The following ZNF385B variants were observed in gnomAD, a reference collection of about 807,000 sequenced individuals.
ZNF385B encodes zinc finger protein 385B, also known as zinc finger protein 533.
ZNF385B carries 23 observed loss-of-function variants against 39.2 expected under a neutral mutation model. The observed-to-expected ratio is 0.59, with a 90% CI of 0.42 to 0.83. The LOEUF (loss-of-function observed/expected upper bound fraction) is 0.83. Ranked by LOEUF, ZNF385B falls within the 40% of genes least tolerant of loss-of-function variation. The probability of loss-of-function intolerance (pLI) is 0.00; values close to 1 mark genes in which losing one functional copy is unlikely to be tolerated. For missense variants in ZNF385B, 552 were observed against 598.9 expected, an observed-to-expected ratio of 0.92 and a Z score of 0.82; for synonymous variants, 205 against 222.6, an observed-to-expected ratio of 0.92 and a Z score of 0.70.
chr2:179,854,196 A>G (rs1684400372), intron 1 of ZNF385B, among the ~76,000 whole-genome samples: 1 of 152,138 alleles, frequency 6.6e-6, no homozygotes, highest in Non-Finnish European at 1.5e-5. Context: ...TATCAAATCT[A>G]AGGAAATCAC....
intron 3 of ZNF385B, among the ~76,000 whole-genome samples, chr2:179,659,356 A>G (rs1485022141): frequency 6.6e-6 from 1 of 152,180 alleles, no homozygotes; most frequent in Non-Finnish European, 1.5e-5. Flanking sequence ...ACTTGATAGT[A>G]AAAGAAGCAT....
intron 3 of ZNF385B, among the ~76,000 whole-genome samples, chr2:179,608,366 G>T (rs774480900): frequency 9.9e-5 from 15 of 152,164 alleles, no homozygotes; most frequent in Non-Finnish European, 1.9e-4. Flanking sequence ...CAGGATTCAG[G>T]AGAAAGAGTT....
chr2:179,737,310 A>G (rs1297236903), intron 3 of ZNF385B, among the ~76,000 whole-genome samples: 2 of 152,200 alleles, frequency 1.3e-5, no homozygotes, highest in Non-Finnish European at 2.9e-5. Context: ...TCTCAGGGTT[A>G]TAGTAAGGAT....
chr2:179,664,704 A>T (rs1203842366), intron 3 of ZNF385B, among the ~76,000 whole-genome samples: 1 of 152,194 alleles, frequency 6.6e-6, no homozygotes, highest in Non-Finnish European at 1.5e-5. Flanking sequence ...GAAAATGTAC[A>T]TACACTATGT....
At chr2:179,746,177 A>G in intron 3 of ZNF385B, 1 of 295,098 alleles carries the variant, frequency 3.4e-6, no homozygotes, top group Non-Finnish European at 5.0e-6. Flanking sequence ...AAGTCTCCAC[A>G]GATTTAGCAC....
At position 179,483,398 on chromosome 2, in the gene ZNF385B, C is replaced by A. The variant is rs149414022; in HGVS notation, c.589G>T (p.Ala197Ser). The A allele has an allele frequency of 1.0e-4, 167 of 1,614,014 alleles. No individual in the cohort carries two copies. Among genetic ancestry groups the A allele is most frequent in the Non-Finnish European group, 1.0e-4 (121 of 1,179,916 alleles). ...AEAHYKGSKH[A>S]KKVKALDATK... is the part of the protein sequence containing the mutation. ...GCGTCTAGTGCTTTGACCTTCTTGGCATGTTTACTTCCTTTGTAGTGGGCC... is the reference window on the plus strand; with the variant it reads ...GCGTCTAGTGCTTTGACCTTCTTGGAATGTTTACTTCCTTTGTAGTGGGCC... Residue 197 changes from alanine to serine, a missense_variant, in exon 6 of 10, where the codon GCC becomes TCC. Coordinates refer to ENST00000410066, the MANE Select transcript of ZNF385B (RefSeq NM_152520.6).
intron 1 of ZNF385B, among the ~76,000 whole-genome samples, chr2:179,850,262 G>A (rs1471297893): frequency 6.6e-6 from 1 of 152,046 alleles, no homozygotes; most frequent in Non-Finnish European, 1.5e-5. Flanking sequence ...GCCAAGAAGG[G>A]GACAGATTGT....
chr2:179,631,558 G>A (rs1691217423), intron 3 of ZNF385B, among the ~76,000 whole-genome samples: 2 of 152,192 alleles, frequency 1.3e-5, no homozygotes, highest in African/African-American at 4.8e-5. Context: ...ACCAGCCACT[G>A]CAAAAACATG....
intron 1 of ZNF385B, among the ~76,000 whole-genome samples, chr2:179,821,796 A>C (rs753236342): frequency 3.3e-5 from 5 of 152,132 alleles, no homozygotes; most frequent in Non-Finnish European, 7.3e-5. Context: ...TCCCCAAGGA[A>C]AACATCATCT....
intron 1 of ZNF385B, among the ~76,000 whole-genome samples, chr2:179,793,881 A>G (rs1167305548): frequency 6.6e-6 from 1 of 152,266 alleles, no homozygotes; most frequent in Non-Finnish European, 1.5e-5. Context: ...TGCTTTGCAC[A>G]TGCAATGGCT....
chr2:179,645,726 G>T (rs1403392903), intron 3 of ZNF385B, among the ~76,000 whole-genome samples: 1 of 152,180 alleles, frequency 6.6e-6, no homozygotes, highest in African/African-American at 2.4e-5. Context: ...TTTCTCATGA[G>T]CCCAGCCTGA....
chr2:179,618,747 T>C (rs1410637178), intron 3 of ZNF385B, among the ~76,000 whole-genome samples: 1 of 152,156 alleles, frequency 6.6e-6, no homozygotes, highest in East Asian at 1.9e-4. Context: ...AGGAAAGCAC[T>C]AAACTTCGCT....
chr2:179,496,406 A>C (rs901575360), intron 5 of ZNF385B, among the ~76,000 whole-genome samples: 7 of 152,322 alleles, frequency 4.6e-5, no homozygotes, highest in African/African-American at 1.7e-4. Flanking sequence ...GTAGAAAAAG[A>C]GACAGGGATA....
intron 1 of ZNF385B, among the ~76,000 whole-genome samples, chr2:179,829,661 C>G (rs972734578): frequency 6.6e-6 from 1 of 152,088 alleles, no homozygotes; most frequent in Non-Finnish European, 1.5e-5. Context: ...CTACAGGCGC[C>G]CGCCACCATG....
chr2:179,806,204 CTAAT>C (rs1019844412), intron 1 of ZNF385B, among the ~76,000 whole-genome samples: 5 of 152,044 alleles, frequency 3.3e-5, no homozygotes, highest in African/African-American at 1.2e-4. Flanking sequence ...AGAACTCATT[CTAAT>C]TAATAATAAA....
chr2:179,601,234 A>T (rs1347750643), intron 3 of ZNF385B, among the ~76,000 whole-genome samples: 1 of 152,200 alleles, frequency 6.6e-6, no homozygotes, highest in Non-Finnish European at 1.5e-5. Flanking sequence ...AGCTTATTTG[A>T]TAGCTTTATG....
intron 3 of ZNF385B, among the ~76,000 whole-genome samples, chr2:179,755,609 G>A (rs1330223422): frequency 3.9e-5 from 6 of 152,108 alleles, no homozygotes; most frequent in African/African-American, 1.4e-4. Flanking sequence ...TATGAATGTG[G>A]GTGCTCCTGT....
chr2:179,617,821 C>T (rs1689882342), intron 3 of ZNF385B, among the ~76,000 whole-genome samples: 1 of 152,098 alleles, frequency 6.6e-6, no homozygotes, highest in South Asian at 2.1e-4. Flanking sequence ...CAAATATTGG[C>T]CATTATACCA....
chr2:179,777,596 T>C (rs1704403156), intron 1 of ZNF385B, among the ~76,000 whole-genome samples: 2 of 152,052 alleles, frequency 1.3e-5, no homozygotes, highest in South Asian at 4.1e-4. Flanking sequence ...AATTTCATGA[T>C]GGCATTAACT....
Sources: gnomAD v4.1 joint callset for allele counts (sites outside exome capture counted in the v4.1 genomes callset) on GRCh38, gnomAD v4.1.1 for gene constraint, MANE v1.5 for transcripts, NCBI Gene and HGNC (gene_info 2026-07-23, HGNC 2026-07-21) for gene names.